USP26: variants seen among roughly 807,000 people sequenced by gnomAD.
USP26 encodes ubiquitin specific peptidase 26, also known as ubiquitin carboxyl-terminal hydrolase 26.
For missense variants in USP26, 649 were observed against 642.3 expected (o/e 1.01, Z -0.11); for synonymous variants, 236 against 240.6 (o/e 0.98, Z 0.18).
intron 5 of USP26, among the ~76,000 whole-genome samples, chrX:133,051,063 G>A (rs774883933): frequency 5.9e-4 from 66 of 111,374 alleles, no homozygotes; most frequent in Admixed American, 5.2e-3. Context: ...ATCTAATTCC[G>A]TTTGGCAGGT....
chrX:133,080,923 G>T, intron 5 of USP26, among the ~76,000 whole-genome samples: 1 of 111,761 alleles, frequency 8.9e-6, no homozygotes, highest in South Asian at 3.8e-4. Context: ...TGTTTAGAAA[G>T]AAATGAATCA....
intron 3 of USP26, among the ~76,000 whole-genome samples, 189 bp downstream of exon 3, chrX:133,090,529 G>A (rs2067603521): frequency 8.9e-6 from 1 of 112,412 alleles, no homozygotes. Flanking sequence ...TGTACTGAAA[G>A]CTTGAATCCC....
At chrX:133,043,591 G>A (rs777647921) in intron 5 of USP26, among the ~76,000 whole-genome samples, 48 of 112,462 alleles carry the variant, frequency 4.3e-4, no homozygotes, top group African/African-American at 5.2e-4. Flanking sequence ...GCAGACAGGC[G>A]GGGCTGGGGC....
At chrX:133,093,710 G>A (rs745634089) in intron 1 of USP26, among the ~76,000 whole-genome samples, 1 of 111,128 alleles carries the variant, frequency 9.0e-6, no homozygotes, top group African/African-American at 3.3e-5. Context: ...GCCAGGTGCA[G>A]TGGCTCACGT....
chrX:133,057,866 A>ATATATACATAT (rs1412413450), intron 5 of USP26, among the ~76,000 whole-genome samples: 1 of 9,329 alleles, frequency 1.1e-4, no homozygotes, highest in African/African-American at 6.6e-4. Context: ...ATATATATAT[A>ATATATACATAT]TTTTTTTTTT....
rs12689683 is a variant in USP26 at position 133,093,719 on chromosome X, G to A, written c.-392-2276C>T. ...ATATAAGCCAGGTGCAGTGGCTCAC[G>A]TCTATAATCTGAGCACTTTGGAAGG... On this transcript the variant is annotated intron_variant, in intron 1 of 5. Transcript: ENST00000511190. 5.0e-4 allele frequency among the ~76,000 whole-genome samples: 55 copies of A among 110,842 alleles called. 1 individual carries two copies. The East Asian group carries it at 0.015, about 30-fold the overall frequency.
chrX:133,052,485 A>G (rs2067462587), intron 5 of USP26, among the ~76,000 whole-genome samples: 1 of 112,695 alleles, frequency 8.9e-6, no homozygotes, highest in South Asian at 3.7e-4. Flanking sequence ...TTGGATTTTT[A>G]TTCCTATTAA....
chrX:133,084,467 G>A (rs1286498290), intron 4 of USP26, among the ~76,000 whole-genome samples: 1 of 109,964 alleles, frequency 9.1e-6, no homozygotes, highest in Non-Finnish European at 1.9e-5. Flanking sequence ...CCAAAGTGCT[G>A]GGATTACAGG....
intron 4 of USP26, among the ~76,000 whole-genome samples, chrX:133,088,439 G>C (rs942993293): frequency 1.8e-5 from 2 of 111,435 alleles, no homozygotes; most frequent in African/African-American, 3.3e-5. Flanking sequence ...TACCGCTGCT[G>C]AGCTGACAGG....
intron 5 of USP26, among the ~76,000 whole-genome samples, chrX:133,030,039 G>T (rs1037551078): frequency 8.9e-6 from 1 of 111,792 alleles, no homozygotes; most frequent in Non-Finnish European, 1.9e-5. Context: ...GTTTCTCCAA[G>T]ACTCCATTGA....
chrX:133,025,711 A>G lies in USP26; in HGVS notation c.2510T>C (p.Leu837Pro), dbSNP rs767471204. The change falls in exon 6 of 6, where the codon CTA (leucine) becomes CCA (proline). Residue 837 changes from leucine (L) to proline (P), a missense_variant. Leu to Pro is a moderately conservative substitution (Grantham distance 98). Coordinates refer to ENST00000511190, the MANE Select transcript of USP26 (RefSeq NM_031907.3). The stretch of plus-strand genomic sequence containing the variant: ...ATCACAGATATAATGGCCTGACTTT[A>G]GAGTCTTCCCAAGATGGCTGACAAC... ...ISVVSHLGKT[L>P]KSGHYICDAY... 3 of 1,210,085 alleles carry G rather than the reference A, an allele frequency of 2.5e-6. No homozygotes were observed. The South Asian group carries it at 5.3e-5, about 21-fold the overall frequency.
intron 4 of USP26, among the ~76,000 whole-genome samples, chrX:133,088,589 A>G (rs894147608): frequency 9.0e-6 from 1 of 111,559 alleles, no homozygotes; most frequent in Non-Finnish European, 1.9e-5. Context: ...AAAGGACTGG[A>G]CCTCTTAGGA....
At chrX:133,036,984 G>A (rs1039769557) in intron 5 of USP26, among the ~76,000 whole-genome samples, 6 of 112,287 alleles carry the variant, frequency 5.3e-5, no homozygotes, top group Non-Finnish European at 1.9e-5. Context: ...TTCTTTTGAG[G>A]AGTATCTGTT....
chrX:133,030,301 A>T (rs2067371532), intron 5 of USP26, among the ~76,000 whole-genome samples: 1 of 111,612 alleles, frequency 9.0e-6, no homozygotes, highest in Non-Finnish European at 1.9e-5. Flanking sequence ...TCAGATTTGG[A>T]GGCATGATCT....
At chrX:133,055,933 C>T (rs755257697) in intron 5 of USP26, among the ~76,000 whole-genome samples, 26 of 111,671 alleles carry the variant, frequency 2.3e-4, no homozygotes, top group Non-Finnish European at 3.6e-4. Flanking sequence ...CAAATACAGT[C>T]GTATTGGGGG....
intron 5 of USP26, among the ~76,000 whole-genome samples, chrX:133,062,979 T>G: frequency 9.0e-6 from 1 of 110,724 alleles, no homozygotes; most frequent in Non-Finnish European, 1.9e-5. Context: ...CAAAGAACAC[T>G]GAAAAAAGTT....
rs1371266798 is a variant in USP26, at chrX:133,028,326, A to G, written c.-76-30T>C. 3 of 902,705 alleles carry G rather than the reference A, an allele frequency of 3.3e-6. No homozygotes were observed. The South Asian group carries it at 6.4e-5, about 19-fold the overall frequency. 74.4% of individuals were successfully genotyped at this position (902,705 alleles called of 1,213,427 possible). A position where few individuals can be genotyped will look rare whatever the true frequency, so the allele number is the denominator to read the frequency against. On this transcript the variant is annotated intron_variant, in intron 5 of 5. Coordinates refer to ENST00000511190, the MANE Select transcript of USP26 (RefSeq NM_031907.3). Reference sequence around the variant, plus strand: ...GAAGACAACACCAAAGAAATAGTTCATTAGTTCTCTACACAGAATGATCCT... The same window carrying G: ...GAAGACAACACCAAAGAAATAGTTCGTTAGTTCTCTACACAGAATGATCCT...
chrX:133,028,687 C>T (rs1002211679), intron 5 of USP26, among the ~76,000 whole-genome samples: 1 of 111,769 alleles, frequency 8.9e-6, no homozygotes, highest in African/African-American at 3.2e-5. Flanking sequence ...TCAATAGAGT[C>T]TCAAGTGCAT....
chrX:133,083,796 G>A (rs763472434), intron 4 of USP26, 25 bp from the exon 5 acceptor site: 3 of 111,410 alleles, frequency 2.7e-5, no homozygotes, highest in Non-Finnish European at 5.6e-5. Flanking sequence ...TCAAAATTAG[G>A]GGAAAAAAGA....
Sources: gnomAD v4.1 joint callset for allele counts (sites outside exome capture counted in the v4.1 genomes callset) on GRCh38, gnomAD v4.1.1 for gene constraint, MANE v1.5 for transcripts, NCBI Gene and HGNC (gene_info 2026-07-23, HGNC 2026-07-21) for gene names.